Variants in VAV1 observed in about 807,000 individuals in gnomAD.
The protein encoded by VAV1 is proto-oncogene vav.
VAV1 carries 33 observed loss-of-function variants against 128.1 expected under a neutral mutation model. That is an observed-to-expected ratio of 0.26 (90% confidence interval 0.20 to 0.34). The LOEUF (loss-of-function observed/expected upper bound fraction) is 0.34, where lower values mean the gene tolerates loss of function less well. VAV1 is among the 10% of genes least tolerant of loss of function. The pLI is 1.00. For synonymous variants in VAV1, 394 were observed against 409.8 expected (o/e 0.96, Z 0.47); for missense variants, 715 against 1,093.7 (o/e 0.65, Z 4.88).
chr19:6,825,195 G>C, intron 7 of VAV1, 74 bp downstream of exon 7: 1 of 1,580,996 alleles, frequency 6.3e-7, no homozygotes, highest in Non-Finnish European at 8.6e-7. Context: ...TCTCCCTGGA[G>C]TACGGGGGTT....
At chr19:6,843,012 A>C (rs1462313265) in intron 21 of VAV1, 123 bp from the exon 22 acceptor site, 1 of 1,063,438 alleles carries the variant, frequency 9.4e-7, no homozygotes, top group Admixed American at 1.8e-5. Flanking sequence ...AGTGCCTGGC[A>C]CATAATAGGC....
chr19:6,789,476 T>C (rs7245458), intron 1 of VAV1, among the ~76,000 whole-genome samples: 39,545 of 151,822 alleles, frequency 0.26, 6,156 homozygotes, highest in African/African-American at 0.44. Context: ...TGGTCTCAAT[T>C]TCCTGACTTC....
In VAV1 at chr19:6,772,913, G is replaced by A. The variant is rs753758099; in HGVS notation, c.106G>A (p.Ala36Thr). 1.2e-6 allele frequency: 2 copies of A among 1,614,128 alleles called. No homozygotes were observed. The highest frequency in any genetic ancestry group is 4.5e-5 in the East Asian group (2 of 44,880). The change falls in exon 1 of 27, where the codon GCC becomes ACC. Residue 36 changes from alanine (A) to threonine (T), a missense_variant. Ala to Thr is a moderately conservative substitution (Grantham distance 58). This residue lies in a region of VAV1 where 302 missense variants were observed against 477.8 expected (regional missense o/e 0.63). Transcript: ENST00000602142. The surrounding 1 kb of genome is among the most constrained non-coding windows in gnomAD (Gnocchi z 4.8). Reference sequence around the variant, plus strand: ...GGCTCAGGTGTGTGAACTGGCCCAGGCCCTCCGGGATGGTGTCCTTCTGTG... The same window carrying A: ...GGCTCAGGTGTGTGAACTGGCCCAGACCCTCCGGGATGGTGTCCTTCTGTG... ...DGAQVCELAQ[A>T]LRDGVLLCQL...
chr19:6,851,589 G>A (rs911198656), intron 24 of VAV1, among the ~76,000 whole-genome samples: 1 of 152,164 alleles, frequency 6.6e-6, no homozygotes, highest in Non-Finnish European at 1.5e-5. Context: ...TAGCTTCACT[G>A]AATGGCAGAG....
chr19:6,786,696 T>G (rs1599621579), intron 1 of VAV1, among the ~76,000 whole-genome samples: 2 of 152,126 alleles, frequency 1.3e-5, no homozygotes, highest in East Asian at 3.9e-4. Context: ...GGTGGAAGGA[T>G]CACTTCAGCC....
chr19:6,821,677 T>C lies in VAV1; in HGVS notation c.377T>C (p.Ile126Thr), dbSNP rs772003183. Reference sequence around the variant, plus strand: ...ACCCCGATCGCCCAGAACAGGGGGATCATGTGAGTAACCACCTGGGCCTTG... The same window carrying C: ...ACCCCGATCGCCCAGAACAGGGGGACCATGTGAGTAACCACCTGGGCCTTG... ...SWTPIAQNRG[I>T]MPFPTEEESV... is the part of the protein sequence containing the mutation. Residue 126 changes from isoleucine (I) to threonine (T), a missense_variant, in exon 3 of 27, where the codon ATC (isoleucine) becomes ACC (threonine). This residue lies in a region of VAV1 where 302 missense variants were observed against 477.8 expected (regional missense o/e 0.63). Coordinates refer to ENST00000602142, the MANE Select transcript of VAV1 (RefSeq NM_005428.4). 6.2e-7 allele frequency: 1 copy of C among 1,613,996 alleles called. No individual in the cohort carries two copies. The highest frequency in any genetic ancestry group is 8.5e-7 in the Non-Finnish European group (1 of 1,180,008).
Position 6,789,931 on chromosome 19 carries a change from C to G in VAV1, c.204+16920C>G, listed in dbSNP as rs113426852. 1.2e-3 allele frequency among the ~76,000 whole-genome samples: 190 copies of G among 152,182 alleles called. 1 individual carries two copies. Among genetic ancestry groups the G allele is most frequent in the African/African-American group, 4.5e-3 (186 of 41,528 alleles). ...TATTTAATGATGGGGAGAGGCCAGA[C>G]GTGGTGGCTCATGCCTGTAATCTCA... On this transcript the variant is annotated intron_variant, in intron 1 of 26. Transcript: ENST00000602142.
intron 1 of VAV1, among the ~76,000 whole-genome samples, chr19:6,798,624 G>A (rs113592014): frequency 6.6e-6 from 1 of 151,994 alleles, no homozygotes; most frequent in African/African-American, 2.4e-5. Flanking sequence ...CTGCACTCCA[G>A]TCTGGGTGAC....
At chr19:6,789,373 C>T (rs1007434271) in intron 1 of VAV1, among the ~76,000 whole-genome samples, 3 of 152,012 alleles carry the variant, frequency 2.0e-5, no homozygotes, top group East Asian at 3.9e-4. Context: ...CTGCCTCAGC[C>T]TCCCGAGTAG....
chr19:6,840,948 T>C (rs1421712863), intron 21 of VAV1, among the ~76,000 whole-genome samples: 1 of 151,896 alleles, frequency 6.6e-6, no homozygotes, highest in African/African-American at 2.4e-5. Flanking sequence ...AAGCTAATTT[T>C]TGTATTTTTA....
At chr19:6,793,392 G>C (rs1971060041) in intron 1 of VAV1, among the ~76,000 whole-genome samples, 1 of 152,006 alleles carries the variant, frequency 6.6e-6, no homozygotes, top group Admixed American at 6.6e-5. Flanking sequence ...CAAAAGCAGA[G>C]GGAGCCAAGA....
intron 24 of VAV1, among the ~76,000 whole-genome samples, chr19:6,852,255 A>G (rs111872116): frequency 6.6e-6 from 1 of 152,086 alleles, no homozygotes; most frequent in Non-Finnish European, 1.5e-5. Context: ...CTTCAAGTGA[A>G]CTTCCCACCT....
chr19:6,836,200 G>A (rs1972218298), intron 19 of VAV1: 3 of 471,512 alleles, frequency 6.4e-6, no homozygotes, highest in South Asian at 5.4e-5. Flanking sequence ...TTTCTCTTGG[G>A]TTGCTGGGTT....
At chr19:6,830,427 AT>A (rs1219271726) in intron 14 of VAV1, among the ~76,000 whole-genome samples, 1 of 150,890 alleles carries the variant, frequency 6.6e-6, no homozygotes, top group Non-Finnish European at 1.5e-5. Flanking sequence ...GCAAAACAGA[AT>A]TTTCATTTTG....
chr19:6,810,758 A>G, intron 1 of VAV1, among the ~76,000 whole-genome samples: 1 of 152,046 alleles, frequency 6.6e-6, no homozygotes, highest in Non-Finnish European at 1.5e-5. Context: ...AGTGTTGAAA[A>G]TCATCTTGGG....
At chr19:6,814,944 G>T (rs1268384290) in intron 1 of VAV1, among the ~76,000 whole-genome samples, 1 of 151,834 alleles carries the variant, frequency 6.6e-6, no homozygotes, top group East Asian at 1.9e-4. Context: ...TTTGCCAAGA[G>T]ATTTTTTTCC....
Position 6,820,696 on chromosome 19 carries a change from T to C in VAV1, c.205-6T>C, listed in dbSNP as rs1971760226. ...GCCCCACCCTCATTTCTCTGTCTCC[T>C]CACAGTTCCTGTGCCTTAAGAACAT... On this transcript the variant is annotated splice_polypyrimidine_tract_variant and splice_region_variant and intron_variant, in intron 1 of 26. Coordinates refer to ENST00000602142, the MANE Select transcript of VAV1 (RefSeq NM_005428.4). This position sits in a 1 kb window ranked among gnomAD's most constrained non-coding sequence, Gnocchi z 4.4. 1 of 1,613,804 alleles carries C rather than the reference T, an allele frequency of 6.2e-7. No individual in the cohort carries two copies. Among genetic ancestry groups the C allele is most frequent in the Admixed American group, 1.7e-5 (1 of 60,012 alleles).
At chr19:6,776,556 T>TC (rs1970646966) in intron 1 of VAV1, among the ~76,000 whole-genome samples, 1 of 111,204 alleles carries the variant, frequency 9.0e-6, no homozygotes, top group African/African-American at 3.9e-5. Flanking sequence ...ATCCATCCAT[T>TC]CAACCACCCA....
chr19:6,785,020 C>A (rs1378760086), intron 1 of VAV1, among the ~76,000 whole-genome samples: 1 of 152,230 alleles, frequency 6.6e-6, no homozygotes, highest in Non-Finnish European at 1.5e-5. Flanking sequence ...TCCCTCTCTA[C>A]CCATTGCTCT....
Sources: gnomAD v4.1 joint callset for allele counts (sites outside exome capture counted in the v4.1 genomes callset) on GRCh38, gnomAD v4.1.1 for gene constraint, gnomAD v4.1.1 regional missense constraint, Gnocchi (gnomAD v3.1) non-coding constraint, MANE v1.5 for transcripts, NCBI Gene and HGNC (gene_info 2026-07-23, HGNC 2026-07-21) for gene names.